PDE1C: variants seen among roughly 807,000 people sequenced by gnomAD.
PDE1C encodes the protein dual specificity calcium/calmodulin-dependent 3',5'-cyclic nucleotide phosphodiesterase 1C.
A neutral mutation model predicts 93.1 loss-of-function variants in PDE1C; 62 were observed. The ratio of observed to expected loss-of-function variants is 0.67; its 90% confidence interval spans 0.54 to 0.82. The LOEUF (loss-of-function observed/expected upper bound fraction) is 0.82, where lower values mean the gene tolerates loss of function less well. PDE1C is among the 40% of genes least tolerant of loss of function. PDE1C has a pLI of 0.00. For missense variants in PDE1C, 742 were observed against 884.6 expected (o/e 0.84, Z 2.04); for synonymous variants, 325 against 310.1 (o/e 1.05, Z -0.50).
At chr7:31,677,737 G>T in the PDE1C span, among the ~76,000 whole-genome samples, 1 of 152,246 alleles carries the variant, frequency 6.6e-6, no homozygotes, top group African/African-American at 2.4e-5. Context: ...AGATAGAAAT[G>T]CCAGCTATGG....
At chr7:31,988,560 T>G (rs1783709840) in intron 2 of PDE1C, among the ~76,000 whole-genome samples, 1 of 152,188 alleles carries the variant, frequency 6.6e-6, no homozygotes, top group African/African-American at 2.4e-5. Flanking sequence ...TTAATTTGAT[T>G]ATTTTGGACC....
intron 1 of PDE1C, among the ~76,000 whole-genome samples, chr7:32,214,450 C>A (rs1246844444): frequency 6.6e-6 from 1 of 152,052 alleles, no homozygotes; most frequent in Non-Finnish European, 1.5e-5. Context: ...CAGACCACAC[C>A]CCAGACCAAT....
At chr7:32,394,496 C>T (rs1168091503) in intron 1 of PDE1C, among the ~76,000 whole-genome samples, 1 of 152,184 alleles carries the variant, frequency 6.6e-6, no homozygotes. Flanking sequence ...CTCTTAGTTC[C>T]TGTGAGACCT....
intron 3 of PDE1C, among the ~76,000 whole-genome samples, chr7:32,087,734 A>G (rs1313279981): frequency 6.6e-6 from 1 of 152,122 alleles, no homozygotes; most frequent in African/African-American, 2.4e-5. Context: ...CATCATTCTC[A>G]GTAAACTATC....
chr7:32,348,989 C>G (rs1783906340), intron 1 of PDE1C, among the ~76,000 whole-genome samples: 1 of 152,210 alleles, frequency 6.6e-6, no homozygotes, highest in Non-Finnish European at 1.5e-5. Flanking sequence ...AAGACTGCTC[C>G]TTGAAGAAGA....
At chr7:32,185,333 C>A (rs1216448727) in intron 2 of PDE1C, among the ~76,000 whole-genome samples, 1 of 150,980 alleles carries the variant, frequency 6.6e-6, no homozygotes, top group African/African-American at 2.4e-5. Context: ...TATATTGTTA[C>A]TAGAATATAC....
intron 2 of PDE1C, among the ~76,000 whole-genome samples, chr7:31,992,815 G>C (rs755610340): frequency 6.6e-6 from 1 of 152,114 alleles, no homozygotes; most frequent in Non-Finnish European, 1.5e-5. Flanking sequence ...TTGCCACACA[G>C]AGAACATAAT....
At chr7:31,837,426 T>C (rs970375035) in intron 10 of PDE1C, 126 bp from the exon 11 acceptor site, 4 of 861,076 alleles carry the variant, frequency 4.6e-6, no homozygotes, top group Admixed American at 3.3e-5. Flanking sequence ...TTCAGCTAAA[T>C]TGAGGAAAAG....
the PDE1C span, among the ~76,000 whole-genome samples, chr7:31,666,749 A>C: frequency 3.3e-5 from 5 of 152,052 alleles, no homozygotes; most frequent in African/African-American, 1.2e-4. Context: ...ATGTCCCCTT[A>C]TGCCCCTTTT....
intron 16 of PDE1C, among the ~76,000 whole-genome samples, chr7:31,776,174 T>A (rs993480496): frequency 6.6e-6 from 1 of 152,178 alleles, no homozygotes; most frequent in Non-Finnish European, 1.5e-5. Flanking sequence ...AATGAGGGAA[T>A]CGGGGGTTTT....
chr7:32,039,193 A>G (rs911483848), intron 2 of PDE1C, among the ~76,000 whole-genome samples: 1 of 152,162 alleles, frequency 6.6e-6, no homozygotes, highest in African/African-American at 2.4e-5. Context: ...GGGTTAACCT[A>G]CTTTCTTGAT....
intron 2 of PDE1C, among the ~76,000 whole-genome samples, chr7:31,915,605 A>G (rs908086748): frequency 1.2e-4 from 19 of 152,326 alleles, no homozygotes; most frequent in East Asian, 1.9e-4. Flanking sequence ...AAACAGCTAC[A>G]CTAACTTCTC....
At chr7:31,626,551 A>T in the PDE1C span, among the ~76,000 whole-genome samples, 848 of 152,230 alleles carry the variant, frequency 5.6e-3, 6 homozygotes, top group Non-Finnish European at 7.9e-3. Flanking sequence ...CAACTGTTTA[A>T]TTTTATATTT....
intron 1 of PDE1C, among the ~76,000 whole-genome samples, chr7:32,424,539 T>C (rs1785492345): frequency 6.6e-6 from 1 of 152,112 alleles, no homozygotes; most frequent in Non-Finnish European, 1.5e-5. Context: ...TCCCAGTACT[T>C]TGGGAGGCTG....
At chr7:31,697,785 G>T in the PDE1C span, among the ~76,000 whole-genome samples, 4 of 152,176 alleles carry the variant, frequency 2.6e-5, no homozygotes, top group East Asian at 7.7e-4. Flanking sequence ...CCTACTAAAT[G>T]TTAGGCACTC....
At chr7:32,160,703 G>A (rs542769338) in intron 3 of PDE1C, among the ~76,000 whole-genome samples, 4 of 152,226 alleles carry the variant, frequency 2.6e-5, no homozygotes, top group Admixed American at 6.5e-5. Flanking sequence ...TTAGCTGGGC[G>A]TGAGGCTGAG....
the PDE1C span, chr7:31,687,421 G>A: frequency 6.6e-6 from 1 of 152,278 alleles, no homozygotes; most frequent in African/African-American, 2.4e-5. Flanking sequence ...GCTTTATGGA[G>A]CAAGGCTAAG....
chr7:32,393,128 A>G (rs1784782280), intron 1 of PDE1C, among the ~76,000 whole-genome samples: 1 of 151,680 alleles, frequency 6.6e-6, no homozygotes, highest in Non-Finnish European at 1.5e-5. Context: ...CTTGCTGAAG[A>G]TCATCTAGGA....
chr7:32,415,976 G>A (rs1785268122), intron 1 of PDE1C, among the ~76,000 whole-genome samples: 1 of 152,216 alleles, frequency 6.6e-6, no homozygotes, highest in South Asian at 2.1e-4. Flanking sequence ...GTGACCAGGA[G>A]CACAGCACAG....
Sources: gnomAD v4.1 joint callset for allele counts (sites outside exome capture counted in the v4.1 genomes callset) on GRCh38, gnomAD v4.1.1 for gene constraint, MANE v1.5 for transcripts, NCBI Gene and HGNC (gene_info 2026-07-23, HGNC 2026-07-21) for gene names.